Variants in CLIP1 observed in about 807,000 individuals in gnomAD.
CLIP1 encodes the protein CAP-Gly domain containing linker protein 1.
In CLIP1, 66 loss-of-function variants were observed where a neutral mutation model predicts 161.6. The ratio of observed to expected loss-of-function variants is 0.41; its 90% CI spans 0.33 to 0.50. The LOEUF is 0.50. CLIP1 is among the 20% of genes least tolerant of loss of function. The probability of loss-of-function intolerance (pLI) is 0.27; values close to 1 mark genes in which losing one functional copy is unlikely to be tolerated. For synonymous variants in CLIP1, 598 were observed against 626.2 expected (o/e 0.96, Z 0.67); for missense variants, 1,376 against 1,702.0 (o/e 0.81, Z 3.37).
chr12:122,422,725 G>A (rs1566260230), upstream of CLIP1: 1 of 137,858 alleles, frequency 7.3e-6, no homozygotes, highest in African/African-American at 2.6e-5. Flanking sequence ...CGCCCGCCCG[G>A]CCGGCCCGGC....
At chr12:122,380,297 A>T in intron 2 of CLIP1, 71 bp downstream of exon 2, 2 of 978,150 alleles carry the variant, frequency 2.0e-6, no homozygotes, top group Non-Finnish European at 3.1e-6. Flanking sequence ...GATATAAAAT[A>T]ATGTTTTAAA....
intron 20 of CLIP1, among the ~76,000 whole-genome samples, chr12:122,294,151 A>ACC (rs1176495505): frequency 2.2e-4 from 33 of 151,242 alleles, no homozygotes; most frequent in Non-Finnish European, 1.6e-4. Context: ...ACATGGTGAA[A>ACC]CCCTGTCTCT....
chr12:122,285,905 C>T (rs759036274), intron 21 of CLIP1, among the ~76,000 whole-genome samples: 1 of 151,414 alleles, frequency 6.6e-6, no homozygotes, highest in East Asian at 1.9e-4. Flanking sequence ...AAATTAAATA[C>T]CCCGAGGCCC....
chr12:122,416,255 A>G (rs185351619), intron 1 of CLIP1, among the ~76,000 whole-genome samples: 142 of 152,252 alleles, frequency 9.3e-4, no homozygotes, highest in Non-Finnish European at 1.5e-3. Context: ...GAACAGATGG[A>G]TAGAAATAGG....
chr12:122,298,042 T>C (rs554057622), intron 20 of CLIP1, among the ~76,000 whole-genome samples: 1 of 152,310 alleles, frequency 6.6e-6, no homozygotes, highest in East Asian at 1.9e-4. Flanking sequence ...CCCACGGCAT[T>C]GGTCAAGGCT....
At chr12:122,388,498 C>T (rs1477943100) in intron 1 of CLIP1, among the ~76,000 whole-genome samples, 1 of 152,148 alleles carries the variant, frequency 6.6e-6, no homozygotes, top group Admixed American at 6.6e-5. Flanking sequence ...GGATTACAGG[C>T]GTGAGCCACC....
intron 19 of CLIP1, 149 bp from the exon 20 acceptor site, chr12:122,310,031 G>A: frequency 1.2e-6 from 1 of 838,866 alleles, no homozygotes; most frequent in Non-Finnish European, 1.8e-6. Context: ...TTATCTACAT[G>A]CAGAAGGGGT....
Position 122,361,112 on chromosome 12 carries a change from A to G in CLIP1, c.852T>C (p.Pro284=), listed in dbSNP as rs1953774138. 1 of 1,614,256 alleles carries G rather than the reference A, an allele frequency of 6.2e-7. No individual in the cohort carries two copies. Among genetic ancestry groups the G allele is most frequent in the Non-Finnish European group, 8.5e-7 (1 of 1,180,040 alleles). The change falls in exon 5 of 26, where the codon CCT becomes CCC. Residue 284 remains proline, a synonymous_variant. Coordinates refer to ENST00000620786, the MANE Select transcript of CLIP1 (RefSeq NM_001247997.2). ...PVHKVTKIGF[P]STTPAKAKAN... ...CCTTGGCTTTGGCTGGTGTAGTGGA[A>G]GGGAAGCCAATCTTGGTAACTTTGT...
chr12:122,309,679 C>A, intron 20 of CLIP1, 83 bp downstream of exon 20: 1 of 1,553,758 alleles, frequency 6.4e-7, no homozygotes, highest in Admixed American at 1.7e-5. Flanking sequence ...CTGAGCAGAC[C>A]TCCGAGTGGC....
intron 1 of CLIP1, among the ~76,000 whole-genome samples, chr12:122,416,999 CA>C (rs946947255): frequency 6.8e-6 from 1 of 148,038 alleles, no homozygotes; most frequent in African/African-American, 2.5e-5. Flanking sequence ...CCAAGAGTTC[CA>C]AAAAAAAATT....
At chr12:122,362,164 G>GGCTGGTCTT (rs1953866542) in intron 4 of CLIP1, among the ~76,000 whole-genome samples, 1 of 151,062 alleles carries the variant, frequency 6.6e-6, no homozygotes, top group Admixed American at 6.6e-5. Context: ...ATGTTGGCCA[G>GGCTGGTCTT]GATGGTCTCG....
intron 1 of CLIP1, among the ~76,000 whole-genome samples, chr12:122,412,313 T>C (rs1373079706): frequency 2.7e-5 from 4 of 149,960 alleles, no homozygotes. Context: ...CCCAAAGTGC[T>C]GGGATTACAG....
chr12:122,379,165 A>G (rs1182687312), intron 2 of CLIP1, among the ~76,000 whole-genome samples: 2 of 146,006 alleles, frequency 1.4e-5, no homozygotes, highest in African/African-American at 5.1e-5. Context: ...AAAATTAGCC[A>G]GGCATAGTGG....
intron 1 of CLIP1, among the ~76,000 whole-genome samples, chr12:122,381,261 T>C (rs1018135695): frequency 6.6e-6 from 1 of 152,196 alleles, no homozygotes; most frequent in African/African-American, 2.4e-5. Flanking sequence ...ACAACAAGCC[T>C]GTATTAGCTA....
At chr12:122,397,120 C>T (rs1955942606) in intron 1 of CLIP1, among the ~76,000 whole-genome samples, 1 of 151,422 alleles carries the variant, frequency 6.6e-6, no homozygotes, top group Non-Finnish European at 1.5e-5. Context: ...CCAGCTCCCG[C>T]TACAGTTCAG....
rs76958530 is a variant in CLIP1, at chr12:122,377,480, G to A, written c.566C>T (p.Thr189Ile). ...GGAGATAGATTCACTGGCAGTTTTT[G>A]TAAGGTTGCTGATCGGAGGCGTAGC... ...PSATPPISNL[T>I]KTASESISNL... The change falls in exon 3 of 26, where the codon ACA (threonine) becomes ATA (isoleucine). Residue 189 changes from threonine to isoleucine, a missense_variant. Physicochemically the swap from Thr to Ile is moderately conservative, Grantham distance 89. Transcript: ENST00000620786. 1.2e-6 allele frequency: 2 copies of A among 1,613,998 alleles called. No individual in the cohort carries two copies. Among genetic ancestry groups the A allele is most frequent in the Admixed American group, 1.7e-5 (1 of 59,972 alleles).
chr12:122,374,794 A>C (rs866280720), intron 3 of CLIP1, among the ~76,000 whole-genome samples: 4 of 152,066 alleles, frequency 2.6e-5, no homozygotes, highest in Non-Finnish European at 4.4e-5. Context: ...TGAGAACAAG[A>C]AAATTCTACT....
In CLIP1 at chr12:122,318,028, A is replaced by AT. The variant is rs565526980; in HGVS notation, c.3367-1174dup. 2.0e-4 allele frequency among the ~76,000 whole-genome samples: 30 copies of AT among 152,318 alleles called. No homozygotes were observed. The East Asian group carries it at 5.4e-3, about 27-fold the overall frequency. ...TGCTTTTATACTTTTAGTTTAAGTCATCTTCTCTTAGGATTGTCAGTTCTA... is the reference window on the plus strand; with the variant it reads ...TGCTTTTATACTTTTAGTTTAAGTCATTCTTCTCTTAGGATTGTCAGTTCTA... On this transcript the variant is annotated intron_variant, in intron 18 of 25. Coordinates refer to ENST00000620786, the MANE Select transcript of CLIP1 (RefSeq NM_001247997.2).
intron 3 of CLIP1, among the ~76,000 whole-genome samples, chr12:122,373,798 C>T (rs998187095): frequency 1.3e-5 from 2 of 152,114 alleles, no homozygotes; most frequent in African/African-American, 2.4e-5. Context: ...CCCAAATCTA[C>T]AGTCTACAAT....
Sources: gnomAD v4.1 joint callset for allele counts (sites outside exome capture counted in the v4.1 genomes callset) on GRCh38, gnomAD v4.1.1 for gene constraint, MANE v1.5 for transcripts, NCBI Gene and HGNC (gene_info 2026-07-23, HGNC 2026-07-21) for gene names.